The following UGT1A9 variants were observed in gnomAD, a reference collection of about 807,000 sequenced individuals.
UGT1A9 encodes UDP-glucuronosyltransferase 1A9.
In UGT1A9, 35 loss-of-function variants were observed where a neutral mutation model predicts 45.0. The ratio of observed to expected loss-of-function variants is 0.78; its 90% CI spans 0.59 to 1.03. The LOEUF is 1.03. Among genes scored for constraint, UGT1A9 ranks in the 50% least tolerant of loss-of-function variants. The pLI, the probability that UGT1A9 is intolerant of heterozygous loss-of-function variation, is 0.00. For synonymous variants in UGT1A9, 278 were observed against 250.6 expected, an observed-to-expected ratio of 1.11 and a Z score of -1.03; for missense variants, 687 against 666.6, an observed-to-expected ratio of 1.03 and a Z score of -0.34.
chr2:233,682,636 A>C, intron 1 of UGT1A9: 1 of 1,613,894 alleles, frequency 6.2e-7, no homozygotes, highest in Non-Finnish European at 8.5e-7. Context: ...TAGCCTCTGA[A>C]ATTCTCCAAA....
At chr2:233,715,485 A>T (rs1033981670) in intron 1 of UGT1A9, among the ~76,000 whole-genome samples, 2 of 152,154 alleles carry the variant, frequency 1.3e-5, no homozygotes, top group African/African-American at 4.8e-5. Context: ...TTTGAAAATG[A>T]TTTGTGTGCA....
chr2:233,712,607 G>C (rs151006364), intron 1 of UGT1A9, among the ~76,000 whole-genome samples: 72 of 152,282 alleles, frequency 4.7e-4, no homozygotes, highest in African/African-American at 1.6e-3. Flanking sequence ...TGGGGACTAG[G>C]GCAATGGTGA....
In UGT1A9 at chr2:233,745,829, T is replaced by C. The variant is rs1012358577; in HGVS notation, c.856-21205T>C. Among the ~76,000 whole-genome samples, 18 of 151,294 alleles carry C rather than the reference T, an allele frequency of 1.2e-4. 1 individual carries two copies. The highest frequency in any genetic ancestry group is 4.2e-4 in the African/African-American group (17 of 40,760). Reference sequence around the variant, plus strand: ...GAGTTTTGAGAGCAAGGCAGAGGACTCTGAATTTTCTTCTGTGCCCAGGAA... The same window carrying C: ...GAGTTTTGAGAGCAAGGCAGAGGACCCTGAATTTTCTTCTGTGCCCAGGAA... On this transcript the variant is annotated intron_variant, in intron 1 of 4. Coordinates refer to ENST00000354728, the MANE Select transcript of UGT1A9 (RefSeq NM_021027.3).
intron 1 of UGT1A9, chr2:233,717,918 A>C (rs2076615839): frequency 2.2e-6 from 1 of 454,686 alleles, no homozygotes; most frequent in Non-Finnish European, 4.4e-6. Flanking sequence ...GGCCTGGATG[A>C]ATGGATACTT....
At chr2:233,704,011 C>T (rs1236520460) in intron 1 of UGT1A9, among the ~76,000 whole-genome samples, 1 of 152,002 alleles carries the variant, frequency 6.6e-6, no homozygotes, top group African/African-American at 2.4e-5. Flanking sequence ...CCACCTCAGC[C>T]GCCCGAGCAG....
chr2:233,768,495 T>C (rs1699626018), intron 4 of UGT1A9, 56 bp downstream of exon 4: 19 of 1,573,996 alleles, frequency 1.2e-5, no homozygotes, highest in Non-Finnish European at 1.5e-5. Flanking sequence ...ATAAAATTGT[T>C]TCAAATATGA....
chr2:233,693,445 T>C (rs1173027816), intron 1 of UGT1A9: 3 of 1,614,012 alleles, frequency 1.9e-6, no homozygotes, highest in South Asian at 2.2e-5. Flanking sequence ...TTGATGCTCT[T>C]TTCACAGACC....
rs1407521990 is a variant in UGT1A9 at position 233,743,186 on chromosome 2, A to T, written c.856-23848A>T. On this transcript the variant is annotated intron_variant, in intron 1 of 4. Coordinates refer to ENST00000354728, the MANE Select transcript of UGT1A9 (RefSeq NM_021027.3). ...GTGCTTAAAGTCAAATGTGGACTGG[A>T]ATTACTTGGTGTCAATGCGGAGTAA... 4.3e-5 allele frequency: 16 copies of T among 372,810 alleles called. No individual in the cohort carries two copies. The East Asian group carries it at 1.2e-3, about 27-fold the overall frequency. The allele number at this position is 372,810 out of a possible 1,614,324, so 23.1% of individuals were successfully genotyped here.
At chr2:233,692,842 T>C in intron 1 of UGT1A9, 7 of 1,452,474 alleles carry the variant, frequency 4.8e-6, no homozygotes, top group Non-Finnish European at 6.3e-6. Flanking sequence ...AATGGTTAAA[T>C]ATTAATTTGG....
At chr2:233,693,927 A>G in intron 1 of UGT1A9, 1 of 1,608,872 alleles carries the variant, frequency 6.2e-7, no homozygotes, top group Non-Finnish European at 8.5e-7. Context: ...TCCCTCACTC[A>G]TTTGGCTCCT....
At chr2:233,691,095 C>T in intron 1 of UGT1A9, 1 of 986,058 alleles carries the variant, frequency 1.0e-6, no homozygotes, top group African/African-American at 1.7e-5. Flanking sequence ...ATCTCTTGAT[C>T]CCGCTATTCC....
chr2:233,680,967 G>T (rs1245620136), intron 1 of UGT1A9, among the ~76,000 whole-genome samples: 1 of 152,014 alleles, frequency 6.6e-6, no homozygotes, highest in Non-Finnish European at 1.5e-5. Context: ...TTCTGGAAGG[G>T]TCCATGGAGG....
chr2:233,711,613 G>A (rs1218892804), intron 1 of UGT1A9, among the ~76,000 whole-genome samples: 1 of 152,182 alleles, frequency 6.6e-6, no homozygotes, highest in Non-Finnish European at 1.5e-5. Context: ...CCCTCTGGTG[G>A]ACAGCTCCAT....
intron 1 of UGT1A9, among the ~76,000 whole-genome samples, chr2:233,740,479 C>T (rs1387993286): frequency 6.6e-6 from 1 of 151,850 alleles, no homozygotes; most frequent in East Asian, 1.9e-4. Context: ...AGGATCATTC[C>T]CTCTTCCAGA....
intron 1 of UGT1A9, among the ~76,000 whole-genome samples, chr2:233,681,407 G>A (rs761817617): frequency 4.4e-4 from 66 of 151,622 alleles, no homozygotes; most frequent in Non-Finnish European, 6.8e-4. Context: ...GGCAGCGTGC[G>A]CCTGTAATCC....
At chr2:233,739,959 T>A (rs1437269496) in intron 1 of UGT1A9, among the ~76,000 whole-genome samples, 1 of 151,940 alleles carries the variant, frequency 6.6e-6, no homozygotes, top group Non-Finnish European at 1.5e-5. Flanking sequence ...GGGAGCTGAT[T>A]GAATCATATC....
intron 1 of UGT1A9, chr2:233,756,286 A>G (rs1696165566): frequency 6.6e-6 from 1 of 152,218 alleles, no homozygotes; most frequent in African/African-American, 2.4e-5. Flanking sequence ...ATAAAATGAC[A>G]CAGTATTTGT....
intron 1 of UGT1A9, among the ~76,000 whole-genome samples, chr2:233,748,560 A>G (rs1345265737): frequency 1.3e-5 from 2 of 151,814 alleles, no homozygotes; most frequent in Admixed American, 1.3e-4. Context: ...CACTCGCAGG[A>G]AGTAGAAGTG....
chr2:233,772,626 A>T lies in UGT1A9; in HGVS notation c.*67A>T. On this transcript the variant is annotated 3_prime_UTR_variant, in exon 5 of 5. Coordinates refer to ENST00000354728, the MANE Select transcript of UGT1A9 (RefSeq NM_021027.3). ...AGTCATTTCCAAACTTGAAAACAGA[A>T]TCAGTGTTAAATTCATTTTATTCTT... The T allele has an allele frequency of 3.8e-6, 6 of 1,561,972 alleles. No homozygotes were observed. Among genetic ancestry groups the T allele is most frequent in the Non-Finnish European group, 5.2e-6 (6 of 1,152,668 alleles).
Sources: gnomAD v4.1 joint callset for allele counts (sites outside exome capture counted in the v4.1 genomes callset) on GRCh38, gnomAD v4.1.1 for gene constraint, MANE v1.5 for transcripts, NCBI Gene and HGNC (gene_info 2026-07-23, HGNC 2026-07-21) for gene names.